ARMC9: variants seen among roughly 807,000 people sequenced by gnomAD.
ARMC9 encodes the protein armadillo repeat containing 9.
In ARMC9, 94 loss-of-function variants were observed where a neutral mutation model predicts 107.0. The ratio of observed to expected loss-of-function variants is 0.88; its 90% confidence interval spans 0.74 to 1.04. The LOEUF (loss-of-function observed/expected upper bound fraction) is 1.04, where lower values mean the gene tolerates loss of function less well. Among genes scored for constraint, ARMC9 ranks in the 50% least tolerant of loss-of-function variants. The pLI, the probability that ARMC9 is intolerant of heterozygous loss-of-function variation, is 0.00. For missense variants in ARMC9, 942 were observed against 1,030.1 expected (o/e 0.91, Z 1.17); for synonymous variants, 380 against 396.9 (o/e 0.96, Z 0.51).
chr2:231,366,397 C>T (rs750219759), intron 23 of ARMC9, among the ~76,000 whole-genome samples: 3 of 152,124 alleles, frequency 2.0e-5, no homozygotes, highest in Non-Finnish European at 4.4e-5. Context: ...CAAATTGACA[C>T]ATAAAAATAA....
chr2:231,254,218 G>GTAGGGT (rs1306339966), intron 9 of ARMC9, among the ~76,000 whole-genome samples: 12 of 152,158 alleles, frequency 7.9e-5, no homozygotes, highest in Non-Finnish European at 1.8e-4. Context: ...TCATCTTGAG[G>GTAGGGT]TAGGGTAGAC....
At chr2:231,240,083 C>T in intron 9 of ARMC9, 42 bp downstream of exon 9, 3 of 1,481,460 alleles carry the variant, frequency 2.0e-6, no homozygotes, top group Admixed American at 1.9e-5. Context: ...TGGTCTATCC[C>T]CCCAAATTTA....
chr2:231,336,171 T>G (rs2044075903), intron 20 of ARMC9, among the ~76,000 whole-genome samples: 1 of 151,944 alleles, frequency 6.6e-6, no homozygotes, highest in Non-Finnish European at 1.5e-5. Flanking sequence ...ATCACCTGGG[T>G]TAAAGGATAT....
intron 20 of ARMC9, among the ~76,000 whole-genome samples, chr2:231,333,577 C>T (rs1314482027): frequency 6.6e-6 from 1 of 152,198 alleles, no homozygotes; most frequent in African/African-American, 2.4e-5. Context: ...TTGATGGAAG[C>T]CTAAGGCTTG....
intron 7 of ARMC9, among the ~76,000 whole-genome samples, chr2:231,229,322 A>C (rs192018912): frequency 5.6e-4 from 85 of 152,312 alleles, no homozygotes; most frequent in Non-Finnish European, 9.7e-4. Context: ...GCATTGTTTT[A>C]AGTGAAGTGG....
At chr2:231,352,664 TA>T (rs1341536262) in intron 21 of ARMC9, among the ~76,000 whole-genome samples, 5 of 7,504 alleles carry the variant, frequency 6.7e-4, no homozygotes, top group East Asian at 5.2e-3. Context: ...GTTCACAGGA[TA>T]GATAGATAGA....
At chr2:231,335,609 A>G (rs2044033981) in intron 20 of ARMC9, among the ~76,000 whole-genome samples, 1 of 152,150 alleles carries the variant, frequency 6.6e-6, no homozygotes, top group Non-Finnish European at 1.5e-5. Context: ...CTTGCGGGAG[A>G]GTAGCGATGG....
intron 19 of ARMC9, among the ~76,000 whole-genome samples, chr2:231,313,444 TTTAGTGTG>T (rs1213918418): frequency 6.6e-6 from 1 of 152,254 alleles, no homozygotes; most frequent in Non-Finnish European, 1.5e-5. Flanking sequence ...GGAGTATTTA[TTTAGTGTG>T]TTCACATTTT....
intron 17 of ARMC9, among the ~76,000 whole-genome samples, chr2:231,282,826 A>G (rs773878593): frequency 6.6e-6 from 1 of 152,216 alleles, no homozygotes; most frequent in Non-Finnish European, 1.5e-5. Flanking sequence ...GAACCATTCT[A>G]TGTGATCACA....
chr2:231,335,107 G>A (rs751297020), intron 20 of ARMC9, among the ~76,000 whole-genome samples: 12 of 152,294 alleles, frequency 7.9e-5, no homozygotes, highest in Non-Finnish European at 1.2e-4. Flanking sequence ...GCGGAATGCC[G>A]AAGAGGCTTA....
At chr2:231,328,879 A>G (rs1340250107) in intron 19 of ARMC9, among the ~76,000 whole-genome samples, 1 of 146,476 alleles carries the variant, frequency 6.8e-6, no homozygotes, top group East Asian at 2.0e-4. Flanking sequence ...CAATGGGACA[A>G]TCTCGGCTCA....
chr2:231,217,970 G>A (rs568329706), intron 5 of ARMC9, among the ~76,000 whole-genome samples: 1 of 148,936 alleles, frequency 6.7e-6, no homozygotes, highest in East Asian at 1.9e-4. Flanking sequence ...TAGGATTACA[G>A]GCGTGAGCCA....
chr2:231,208,954 T>C (rs1418497193), intron 3 of ARMC9, among the ~76,000 whole-genome samples: 1 of 151,778 alleles, frequency 6.6e-6, no homozygotes, highest in Non-Finnish European at 1.5e-5. Context: ...CAGGCTGGAG[T>C]GCGGTGGTAC....
At chr2:231,363,029 T>C (rs2045655050) in intron 23 of ARMC9, among the ~76,000 whole-genome samples, 1 of 151,936 alleles carries the variant, frequency 6.6e-6, no homozygotes, top group Non-Finnish European at 1.5e-5. Context: ...GCCTGCTGGG[T>C]ATACGGGGAA....
intron 18 of ARMC9, among the ~76,000 whole-genome samples, 171 bp downstream of exon 18, chr2:231,291,614 G>A (rs927246597): frequency 1.3e-5 from 2 of 152,034 alleles, no homozygotes; most frequent in South Asian, 2.1e-4. Context: ...TCAGGAGTTC[G>A]AGACCAGCCT....
intron 12 of ARMC9, among the ~76,000 whole-genome samples, chr2:231,268,884 C>T (rs2039071979): frequency 6.6e-6 from 1 of 151,784 alleles, no homozygotes; most frequent in African/African-American, 2.4e-5. Context: ...CAACATAGAC[C>T]CCATTCTCTA....
At position 231,276,634 on chromosome 2, in the gene ARMC9, A is replaced by G. The variant is rs2039779950; in HGVS notation, c.1335-2A>G. On this transcript the variant is annotated splice_acceptor_variant, in intron 14 of 24. Transcript: ENST00000611582. LOFTEE classifies it high-confidence loss of function. The stretch of plus-strand genomic sequence containing the variant: ...TATTTACCGTAGGCTCTTTCTTCCC[A>G]GGCGCCCGCTGCAGACAGCGATGAT... 7.4e-6 allele frequency: 12 copies of G among 1,613,858 alleles called. No homozygotes were observed. Among genetic ancestry groups the G allele is most frequent in the Non-Finnish European group, 9.3e-6 (11 of 1,179,894 alleles).
chr2:231,272,440 C>T (rs1028449481), intron 13 of ARMC9, among the ~76,000 whole-genome samples: 2 of 152,174 alleles, frequency 1.3e-5, no homozygotes, highest in Admixed American at 6.5e-5. Flanking sequence ...AACAGTCTAC[C>T]TGCCTCAGCC....
chr2:231,253,609 A>G (rs1173814399), intron 9 of ARMC9, among the ~76,000 whole-genome samples: 3 of 152,202 alleles, frequency 2.0e-5, no homozygotes, highest in Non-Finnish European at 2.9e-5. Context: ...TTGTGCAGGC[A>G]TGTCCGCTGG....
Sources: gnomAD v4.1 joint callset for allele counts (sites outside exome capture counted in the v4.1 genomes callset) on GRCh38, gnomAD v4.1.1 for gene constraint, MANE v1.5 for transcripts, NCBI Gene and HGNC (gene_info 2026-07-23, HGNC 2026-07-21) for gene names.